Variants in TRPM3 observed in about 807,000 individuals in gnomAD.
TRPM3 encodes the protein long transient receptor potential channel 3.
Under a neutral mutation model 181.2 loss-of-function variants are expected in TRPM3, and 77 were observed. The observed-to-expected ratio is 0.42, with a 90% confidence interval of 0.35 to 0.51. TRPM3 has a LOEUF of 0.51. Ranked by LOEUF, TRPM3 falls within the 20% of genes least tolerant of loss-of-function variation. The pLI is 0.01. For synonymous variants in TRPM3, 745 were observed against 796.4 expected (o/e 0.94, Z 1.09); for missense variants, 1,759 against 2,196.7 (o/e 0.80, Z 3.98).
chr9:70,894,543 T>C (rs1449997274), intron 1 of TRPM3, among the ~76,000 whole-genome samples: 2 of 152,158 alleles, frequency 1.3e-5, no homozygotes, highest in African/African-American at 2.4e-5. Flanking sequence ...GCACCTACCA[T>C]GTACCAGGCA....
At chr9:71,225,564 C>T (rs1032711471) in intron 1 of TRPM3, among the ~76,000 whole-genome samples, 3 of 152,154 alleles carry the variant, frequency 2.0e-5, no homozygotes, top group East Asian at 1.9e-4. Flanking sequence ...CTAATAAGTA[C>T]ACACAAAACA....
rs985754874 is a variant in TRPM3 at position 71,102,981 on chromosome 9, C to T, written c.177+18197G>A. Among the ~76,000 whole-genome samples, 6 of 152,196 alleles carry T rather than the reference C, an allele frequency of 3.9e-5. 1 individual carries two copies. The highest frequency in any genetic ancestry group is 6.5e-5 in the Admixed American group (1 of 15,278). On this transcript the variant is annotated intron_variant, in intron 1 of 25. Transcript: ENST00000677713. Reference sequence around the variant, plus strand: ...TTTCCTGATAAACCAGACATATTTACCTTCTTTCAATATTTGTTTTTGAAC... The same window carrying T: ...TTTCCTGATAAACCAGACATATTTATCTTCTTTCAATATTTGTTTTTGAAC...
intron 8 of TRPM3, among the ~76,000 whole-genome samples, chr9:70,690,830 GTAAT>G (rs1378029590): frequency 2.0e-5 from 3 of 152,154 alleles, no homozygotes; most frequent in Non-Finnish European, 4.4e-5. Flanking sequence ...TCTCTTTGGC[GTAAT>G]TAAAGTTGAC....
At chr9:70,647,353 A>T (rs1305569604) in intron 9 of TRPM3, among the ~76,000 whole-genome samples, 2 of 152,180 alleles carry the variant, frequency 1.3e-5, no homozygotes, top group African/African-American at 4.8e-5. Context: ...ATGATCAAGT[A>T]GGCTTCTTTC....
At chr9:70,973,566 A>G (rs1175551635) in intron 1 of TRPM3, among the ~76,000 whole-genome samples, 2 of 152,134 alleles carry the variant, frequency 1.3e-5, no homozygotes, top group Non-Finnish European at 2.9e-5. Context: ...AAAAAATGAA[A>G]AAGATGACTC....
chr9:70,956,622 G>A lies in TRPM3; in HGVS notation c.178-92111C>T, dbSNP rs561574065. Reference sequence around the variant, plus strand: ...ATTCTTAGGCTGGGCATGGTAATACGCCTGTAATCCCAGCATTCTGGGAGG... The same window carrying A: ...ATTCTTAGGCTGGGCATGGTAATACACCTGTAATCCCAGCATTCTGGGAGG... On this transcript the variant is annotated intron_variant, in intron 1 of 25. Coordinates refer to ENST00000677713, the MANE Select transcript of TRPM3 (RefSeq NM_001366145.2). 4.2e-4 allele frequency among the ~76,000 whole-genome samples: 64 copies of A among 152,200 alleles called. 1 individual carries two copies. Among genetic ancestry groups the A allele is most frequent in the African/African-American group, 1.5e-3 (62 of 41,528 alleles).
At chr9:71,144,625 T>A (rs1212227003) in intron 1 of TRPM3, among the ~76,000 whole-genome samples, 1 of 152,186 alleles carries the variant, frequency 6.6e-6, no homozygotes, top group Non-Finnish European at 1.5e-5. Flanking sequence ...TAACTCATTA[T>A]AATGAACATT....
Position 71,197,272 on chromosome 9 carries a change from G to A in TRPM3, c.183+249381C>T, listed in dbSNP as rs1489050735. Among the ~76,000 whole-genome samples the A allele has an allele frequency of 5.3e-5, 8 of 152,220 alleles. No homozygotes were observed. The East Asian group carries it at 1.2e-3, about 22-fold the overall frequency. On this transcript the variant is annotated intron_variant, in intron 1 of 24. Transcript: ENST00000357533. ...CATTTTCTTAATCCAGTCTATCATT[G>A]TTGGACATTTCGCTTGGTTCCAAGT...
At chr9:71,401,226 A>G (rs2093336415) in intron 1 of TRPM3, among the ~76,000 whole-genome samples, 1 of 150,266 alleles carries the variant, frequency 6.7e-6, no homozygotes, top group African/African-American at 2.5e-5. Flanking sequence ...AGAATCTATC[A>G]TATGGCTAGT....
intron 1 of TRPM3, among the ~76,000 whole-genome samples, chr9:71,402,839 G>A (rs563082365): frequency 6.6e-6 from 1 of 152,176 alleles, no homozygotes; most frequent in Admixed American, 6.6e-5. Context: ...TATCAGTGTA[G>A]GTCAGATTTT....
At chr9:71,418,808 ATATAC>A (rs2093678437) in intron 1 of TRPM3, among the ~76,000 whole-genome samples, 1 of 19,000 alleles carries the variant, frequency 5.3e-5, no homozygotes, top group South Asian at 8.8e-3. Flanking sequence ...GATACTATAT[ATATAC>A]TATATATATA....
chr9:71,427,001 T>C (rs1257511984), intron 1 of TRPM3, among the ~76,000 whole-genome samples: 1 of 152,190 alleles, frequency 6.6e-6, no homozygotes, highest in Non-Finnish European at 1.5e-5. Context: ...TAGACATTGG[T>C]AGTCAGCTAA....
intron 1 of TRPM3, among the ~76,000 whole-genome samples, chr9:71,023,031 T>TA (rs886570492): frequency 2.0e-4 from 30 of 152,164 alleles, no homozygotes; most frequent in African/African-American, 7.0e-4. Context: ...TTTTCTTCTT[T>TA]AAAAAAACCC....
intron 1 of TRPM3, among the ~76,000 whole-genome samples, chr9:70,980,067 G>GCACACACACACACACACACACACA (rs10527749): frequency 0.055 from 7,565 of 137,750 alleles, 350 homozygotes; most frequent in African/African-American, 0.086. Flanking sequence ...GCATGTGCGT[G>GCACACACACACACACACACACACA]CACACACACA....
chr9:71,254,549 A>C (rs1165404356), intron 1 of TRPM3, among the ~76,000 whole-genome samples: 2 of 152,240 alleles, frequency 1.3e-5, no homozygotes, highest in Admixed American at 1.3e-4. Flanking sequence ...CAAATTAGCC[A>C]TTCCACAATG....
chr9:70,810,039 G>A (rs1564397932), intron 6 of TRPM3: 2 of 534,678 alleles, frequency 3.7e-6, no homozygotes, highest in South Asian at 2.8e-5. Flanking sequence ...TCAGGCATAG[G>A]ATGACAAAGG....
At chr9:71,108,854 T>C (rs1264968715) in intron 1 of TRPM3, among the ~76,000 whole-genome samples, 1 of 152,246 alleles carries the variant, frequency 6.6e-6, no homozygotes, top group Non-Finnish European at 1.5e-5. Flanking sequence ...TAATGTTATA[T>C]GTCAACTTCT....
chr9:71,018,560 T>G (rs1283901332), intron 1 of TRPM3, among the ~76,000 whole-genome samples: 1 of 151,642 alleles, frequency 6.6e-6, no homozygotes, highest in Non-Finnish European at 1.5e-5. Flanking sequence ...AAAACTCAGA[T>G]GCAAAGGGAA....
intron 1 of TRPM3, among the ~76,000 whole-genome samples, chr9:71,245,962 C>CT (rs1170431630): frequency 6.6e-6 from 1 of 152,094 alleles, no homozygotes; most frequent in East Asian, 1.9e-4. Flanking sequence ...AGGAGAATGG[C>CT]TTTTTTATTT....
Sources: gnomAD v4.1 joint callset for allele counts (sites outside exome capture counted in the v4.1 genomes callset) on GRCh38, gnomAD v4.1.1 for gene constraint, MANE v1.5 for transcripts, NCBI Gene and HGNC (gene_info 2026-07-23, HGNC 2026-07-21) for gene names.